The following PEX5L variants were observed in gnomAD, a reference collection of about 807,000 sequenced individuals.
The protein encoded by PEX5L is PEX5-related protein.
Under a neutral mutation model 84.0 loss-of-function variants are expected in PEX5L, and 30 were observed. The ratio of observed to expected loss-of-function variants is 0.36; its 90% CI spans 0.27 to 0.48. PEX5L has a LOEUF of 0.48. Among genes scored for constraint, PEX5L ranks in the 20% least tolerant of loss-of-function variants. The pLI is 0.99. For synonymous variants in PEX5L, 270 were observed against 283.1 expected (o/e 0.95, Z 0.46); for missense variants, 533 against 754.6 (o/e 0.71, Z 3.44).
intron 1 of PEX5L, among the ~76,000 whole-genome samples, chr3:179,974,514 A>G (rs898821508): frequency 2.0e-5 from 3 of 152,226 alleles, no homozygotes; most frequent in African/African-American, 7.2e-5. Flanking sequence ...AGGGGAGGAA[A>G]GAGCGAAAGG....
intron 1 of PEX5L, among the ~76,000 whole-genome samples, chr3:180,009,443 T>C (rs1354348821): frequency 6.6e-6 from 1 of 152,060 alleles, no homozygotes; most frequent in Non-Finnish European, 1.5e-5. Flanking sequence ...TGAAGCAGTT[T>C]TACAAATGTA....
chr3:179,871,323 G>A (rs926604270), intron 7 of PEX5L, among the ~76,000 whole-genome samples: 38 of 152,002 alleles, frequency 2.5e-4, no homozygotes, highest in South Asian at 6.3e-4. Flanking sequence ...GGCTGCTTTC[G>A]AACTCCTGAC....
At chr3:179,906,085 G>C (rs1346162557) in intron 2 of PEX5L, among the ~76,000 whole-genome samples, 1 of 152,176 alleles carries the variant, frequency 6.6e-6, no homozygotes, top group Non-Finnish European at 1.5e-5. Flanking sequence ...ATAAGATGTT[G>C]CCGGGTAAAG....
chr3:179,897,750 T>C (rs914671574), intron 3 of PEX5L, among the ~76,000 whole-genome samples: 1 of 152,200 alleles, frequency 6.6e-6, no homozygotes, highest in Non-Finnish European at 1.5e-5. Context: ...AACTGACATA[T>C]GTATACAATA....
intron 5 of PEX5L, among the ~76,000 whole-genome samples, chr3:179,879,550 C>CT (rs369057045): frequency 6.6e-5 from 10 of 152,320 alleles, no homozygotes; most frequent in African/African-American, 2.4e-4. Context: ...ACTGTTTCAT[C>CT]TGGCTGCCCC....
At chr3:179,998,583 T>C (rs1788106726) in intron 1 of PEX5L, among the ~76,000 whole-genome samples, 1 of 152,184 alleles carries the variant, frequency 6.6e-6, no homozygotes, top group Admixed American at 6.5e-5. Flanking sequence ...TCTTGGTCTG[T>C]TACTGGGCTT....
chr3:179,980,778 A>T (rs955892966), intron 1 of PEX5L, among the ~76,000 whole-genome samples: 1 of 152,178 alleles, frequency 6.6e-6, no homozygotes, highest in Non-Finnish European at 1.5e-5. Flanking sequence ...GCGGTGGCTC[A>T]CACCTGTAAT....
At chr3:179,995,137 TAC>T (rs988623038) in intron 1 of PEX5L, among the ~76,000 whole-genome samples, 30 of 148,030 alleles carry the variant, frequency 2.0e-4, no homozygotes, top group African/African-American at 6.4e-4. Context: ...ACACTATATA[TAC>T]ACACACTATA....
intron 2 of PEX5L, among the ~76,000 whole-genome samples, chr3:179,961,406 C>T (rs1227662719): frequency 6.6e-6 from 1 of 151,828 alleles, no homozygotes; most frequent in African/African-American, 2.4e-5. Context: ...TTCTGTCAAA[C>T]CTTATATATG....
chr3:179,957,968 T>C (rs546855631), intron 2 of PEX5L, among the ~76,000 whole-genome samples: 3 of 152,192 alleles, frequency 2.0e-5, no homozygotes, highest in Non-Finnish European at 2.9e-5. Context: ...TGATTATGCA[T>C]GTTTATGGCT....
intron 1 of PEX5L, among the ~76,000 whole-genome samples, chr3:179,995,515 ACT>A (rs927030047): frequency 6.6e-6 from 1 of 152,150 alleles, no homozygotes; most frequent in Non-Finnish European, 1.5e-5. Flanking sequence ...CTCCTGATTC[ACT>A]GCTTGTGAGA....
chr3:179,837,955 C>G (rs964680713), intron 8 of PEX5L, among the ~76,000 whole-genome samples: 2 of 152,092 alleles, frequency 1.3e-5, no homozygotes, highest in Admixed American at 1.3e-4. Flanking sequence ...CTCCTGATGG[C>G]CATAGAGTAG....
chr3:179,806,177 T>C (rs1173467658), intron 14 of PEX5L, among the ~76,000 whole-genome samples: 3 of 151,666 alleles, frequency 2.0e-5, no homozygotes, highest in African/African-American at 7.3e-5. Context: ...ACAACATATC[T>C]AGAAAAAAAG....
chr3:180,031,092 A>C (rs367643547), intron 1 of PEX5L, among the ~76,000 whole-genome samples: 51,859 of 151,948 alleles, frequency 0.34, 11,633 homozygotes, highest in African/African-American at 0.65. Flanking sequence ...TCTAATGGAT[A>C]TTTATACTAA....
At chr3:179,951,587 A>T (rs536912728) in intron 2 of PEX5L, among the ~76,000 whole-genome samples, 2 of 152,312 alleles carry the variant, frequency 1.3e-5, no homozygotes, top group African/African-American at 4.8e-5. Context: ...TTAGAATATG[A>T]GGACTAGGTC....
intron 8 of PEX5L, among the ~76,000 whole-genome samples, chr3:179,846,479 T>A (rs1739402904): frequency 6.6e-6 from 1 of 152,234 alleles, no homozygotes; most frequent in South Asian, 2.1e-4. Context: ...CCTCGTTTCA[T>A]CACCCCCACC....
At chr3:179,817,393 TACTC>T (rs1418572592) in intron 9 of PEX5L, among the ~76,000 whole-genome samples, 1 of 152,212 alleles carries the variant, frequency 6.6e-6, no homozygotes, top group Non-Finnish European at 1.5e-5. Context: ...TATATTTATT[TACTC>T]AATCCCCTAT....
chr3:179,818,285 T>C (rs1013790889), intron 9 of PEX5L, among the ~76,000 whole-genome samples: 3 of 152,056 alleles, frequency 2.0e-5, no homozygotes, highest in Non-Finnish European at 4.4e-5. Flanking sequence ...AATTAATTTT[T>C]AATTTTTGTG....
intron 3 of PEX5L, chr3:179,887,995 A>G (rs1006428958): frequency 1.1e-5 from 8 of 718,748 alleles, no homozygotes; most frequent in Non-Finnish European, 1.4e-5. Flanking sequence ...TGATGCAGCC[A>G]ACTTCAATGT....
Sources: gnomAD v4.1 joint callset for allele counts (sites outside exome capture counted in the v4.1 genomes callset) on GRCh38, gnomAD v4.1.1 for gene constraint, MANE v1.5 for transcripts, NCBI Gene and HGNC (gene_info 2026-07-23, HGNC 2026-07-21) for gene names.